ZNF268: variants seen among roughly 807,000 people sequenced by gnomAD.
The protein encoded by ZNF268 is zinc finger protein 268.
A neutral mutation model predicts 29.3 loss-of-function variants in ZNF268; 20 were observed. That is an observed-to-expected ratio of 0.68 (90% CI 0.48 to 0.99). The LOEUF (loss-of-function observed/expected upper bound fraction) is 0.99, where lower values mean the gene tolerates loss of function less well. ZNF268 is among the 50% of genes least tolerant of loss of function. ZNF268 has a pLI of 0.00. For missense variants in ZNF268, 1,240 were observed against 1,121.6 expected, an observed-to-expected ratio of 1.11 and a Z score of -1.51; for synonymous variants, 429 against 376.9, an observed-to-expected ratio of 1.14 and a Z score of -1.60.
intron 2 of ZNF268, among the ~76,000 whole-genome samples, chr12:133,185,237 C>T (rs1956280589): frequency 6.6e-6 from 1 of 151,050 alleles, no homozygotes. Flanking sequence ...CTTGGGTGCT[C>T]AGGGAAGGCC....
rs747761123 is a variant in ZNF268, at chr12:133,204,370, A to G, written c.2684A>G (p.Asn895Ser). The change falls in exon 6 of 6, where the codon AAT becomes AGT. Residue 895 changes from asparagine to serine, a missense_variant. By Grantham distance (46) the Asn-to-Ser change is conservative (BLOSUM62 1). Transcript: ENST00000536435. ...THSGEKPYGC[N>S]ECGKTFSQKS... ...TCAGGAGAGAAACCCTATGGGTGCA[A>G]TGAATGTGGGAAAACCTTCTCTCAA... 3.2e-6 allele frequency: 5 copies of G among 1,571,474 alleles called. No homozygotes were observed. The highest frequency in any genetic ancestry group is 4.6e-5 in the East Asian group (2 of 43,120).
rs1419332941 is a variant in ZNF268, at chr12:133,207,129, T to C, written c.*2599T>C. On this transcript the variant is annotated 3_prime_UTR_variant, in exon 6 of 6. Coordinates refer to ENST00000536435, the MANE Select transcript of ZNF268 (RefSeq NM_003415.3). ...AAACAGAAATTGAGTTACTGGTTTG[T>C]AAATCTATCTAGTCCTTCTACCCCA... 2.0e-5 allele frequency: 3 copies of C among 152,200 alleles called. No homozygotes were observed. The highest frequency in any genetic ancestry group is 4.4e-5 in the Non-Finnish European group (3 of 68,034). The allele number at this position is 152,200 out of a possible 1,614,324, so 9.4% of individuals were successfully genotyped here.
rs751842944 is a variant in ZNF268 at position 133,204,071 on chromosome 12, A to C, written c.2385A>C (p.Leu795=). 1.5e-5 allele frequency: 24 copies of C among 1,555,178 alleles called. No homozygotes were observed. The highest frequency in any genetic ancestry group is 2.1e-5 in the Non-Finnish European group (24 of 1,153,168). ...AAGCTTTTAGCAGCAAGTCATACCT[A>C]ATTATACACATGAGAACTCATTCAG... ...CGKAFSSKSY[L]IIHMRTHSGE... Residue 795 remains leucine (L), a synonymous_variant, in exon 6 of 6, where the codon CTA becomes CTC. Coordinates refer to ENST00000536435, the MANE Select transcript of ZNF268 (RefSeq NM_003415.3).
In ZNF268 at chr12:133,211,310, G is replaced by A. The variant is rs138420695; in HGVS notation, c.*6780G>A. The A allele has an allele frequency of 0.071, 24,111 of 339,884 alleles. 2,080 individuals carry two copies. Among genetic ancestry groups the A allele is most frequent in the African/African-American group, 0.28 (12,947 of 46,340 alleles). 21.1% of individuals were successfully genotyped at this position (339,884 alleles called of 1,614,324 possible). On this transcript the variant is annotated 3_prime_UTR_variant, in exon 6 of 6. Coordinates refer to ENST00000536435, the MANE Select transcript of ZNF268 (RefSeq NM_003415.3). ...AGATATACAGATGGTGGCCAGGCACGGTGGCTCACGCCTGTAATCCCAGCA... is the reference window on the plus strand; with the variant it reads ...AGATATACAGATGGTGGCCAGGCACAGTGGCTCACGCCTGTAATCCCAGCA...
rs1284564747 is a variant in ZNF268, at chr12:133,205,929, G to A, written c.*1399G>A. On this transcript the variant is annotated 3_prime_UTR_variant, in exon 6 of 6. Transcript: ENST00000536435. ...TTTCAAGTTCAGAAAAGCAACATGA[G>A]CTTTTGTTCTGTGGTAGCATGTTGA... The A allele has an allele frequency of 3.3e-5, 5 of 152,196 alleles. No individual in the cohort carries two copies. The highest frequency in any genetic ancestry group is 1.2e-4 in the African/African-American group (5 of 41,454). The allele number at this position is 152,196 out of a possible 1,614,324, so 9.4% of individuals were successfully genotyped here.
intron 3 of ZNF268, 65 bp from the exon 4 acceptor site, chr12:133,191,424 A>T (rs1424958636): frequency 6.2e-7 from 1 of 1,603,100 alleles, no homozygotes; most frequent in African/African-American, 1.3e-5. Flanking sequence ...TGGACACCCT[A>T]AACAGCTAGT....
chr12:133,184,974 A>C (rs1332930948), intron 2 of ZNF268, among the ~76,000 whole-genome samples: 1 of 152,134 alleles, frequency 6.6e-6, no homozygotes, highest in African/African-American at 2.4e-5. Context: ...ATCTGAGGTC[A>C]GGAGTTCGAG....
intron 5 of ZNF268, among the ~76,000 whole-genome samples, chr12:133,194,923 T>G (rs184591896): frequency 1.5e-5 from 1 of 68,180 alleles, no homozygotes; most frequent in Non-Finnish European, 3.3e-5. Context: ...TGTACTACAT[T>G]AATACAAGTC....
At chr12:133,197,928 A>G (rs1231222988) in intron 5 of ZNF268, among the ~76,000 whole-genome samples, 10 of 151,856 alleles carry the variant, frequency 6.6e-5, no homozygotes, top group Non-Finnish European at 1.5e-4. Flanking sequence ...TAGATTCTGG[A>G]TATTAGCCCT....
rs745944145 is a variant in ZNF268 at position 133,203,856 on chromosome 12, CAT to C, written c.2171_2172del (p.His724ArgfsTer10). The C allele has an allele frequency of 9.1e-5, 143 of 1,567,218 alleles. No homozygotes were observed. Among genetic ancestry groups the C allele is most frequent in the East Asian group, 4.7e-5 (2 of 42,696 alleles). On this transcript the variant is annotated frameshift_variant, in exon 6 of 6. Coordinates refer to ENST00000536435, the MANE Select transcript of ZNF268 (RefSeq NM_003415.3). LOFTEE classifies it low-confidence loss of function (END_TRUNC). ...GAGAACTCATACAGGAGAGAAACCA[CAT>C]GAGTGCAGGGAATGCGGGAAATCCT... is the stretch of plus-strand genomic sequence containing the variant. Reference protein sequence around the residue: ...HMRTHTGEKPHECRECGKSFS... With the variant: ...HMRTHTGEKPXECRECGKSFS...
At position 133,181,951 on chromosome 12, in the gene ZNF268, C is replaced by T. The variant is rs373661321; in HGVS notation, c.-47C>T. 1.3e-6 allele frequency: 2 copies of T among 1,552,328 alleles called. No homozygotes were observed. Among genetic ancestry groups the T allele is most frequent in the Admixed American group, 2.0e-5 (1 of 51,136 alleles). On this transcript the variant is annotated 5_prime_UTR_variant, in exon 2 of 6. Transcript: ENST00000536435. ...CACTGTGCTCTCTCTTCTAGCATCC[C>T]TCGCGTCCTGTCACTTCCAGCGAGG...
In ZNF268 at chr12:133,208,552, G is replaced by A. The variant is rs1254060618; in HGVS notation, c.*4022G>A. 1.3e-5 allele frequency: 2 copies of A among 152,274 alleles called. No homozygotes were observed. The highest frequency in any genetic ancestry group is 4.8e-5 in the African/African-American group (2 of 41,446). 9.4% of individuals were successfully genotyped at this position (152,274 alleles called of 1,614,324 possible). Reference sequence around the variant, plus strand: ...TGCCGGTAGTCCCACCTACTGAGGAGGCTGAGGCAGGAGGTTAGCTTGAGT... The same window carrying A: ...TGCCGGTAGTCCCACCTACTGAGGAAGCTGAGGCAGGAGGTTAGCTTGAGT... On this transcript the variant is annotated 3_prime_UTR_variant, in exon 6 of 6. Coordinates refer to ENST00000536435, the MANE Select transcript of ZNF268 (RefSeq NM_003415.3).
At position 133,203,546 on chromosome 12, in the gene ZNF268, C is replaced by G; in HGVS notation, c.1860C>G (p.Ala620=). The change falls in exon 6 of 6, where the codon GCC becomes GCG. Residue 620 remains alanine, a synonymous_variant. Coordinates refer to ENST00000536435, the MANE Select transcript of ZNF268 (RefSeq NM_003415.3). ...TTGAATGTAGTGAGTGTCAGAAAGCCTTTAATACAAAGTCAAACCTGATTG... is the reference window on the plus strand; with the variant it reads ...TTGAATGTAGTGAGTGTCAGAAAGCGTTTAATACAAAGTCAAACCTGATTG... ...KPFECSECQK[A]FNTKSNLIVH... 6.4e-7 allele frequency: 1 copy of G among 1,553,544 alleles called. No homozygotes were observed. Among genetic ancestry groups the G allele is most frequent in the Non-Finnish European group, 8.7e-7 (1 of 1,152,746 alleles).
intron 2 of ZNF268, among the ~76,000 whole-genome samples, chr12:133,186,876 G>A (rs1056966133): frequency 1.3e-5 from 2 of 152,156 alleles, no homozygotes; most frequent in Non-Finnish European, 2.9e-5. Context: ...ATGCGTATAC[G>A]TATACTTGCA....
chr12:133,190,470 T>C (rs907159191), intron 3 of ZNF268, among the ~76,000 whole-genome samples: 1 of 152,126 alleles, frequency 6.6e-6, no homozygotes, highest in Non-Finnish European at 1.5e-5. Context: ...TGGTGGTCAG[T>C]TTTTTGGATT....
At chr12:133,197,428 A>G (rs956539781) in intron 5 of ZNF268, among the ~76,000 whole-genome samples, 5 of 151,674 alleles carry the variant, frequency 3.3e-5, no homozygotes, top group East Asian at 1.9e-4. Flanking sequence ...TTCTTAATCC[A>G]GTCTATCATT....
At chr12:133,192,767 C>T (rs1020144634) in intron 5 of ZNF268, among the ~76,000 whole-genome samples, 3 of 151,896 alleles carry the variant, frequency 2.0e-5, no homozygotes, top group Non-Finnish European at 4.4e-5. Flanking sequence ...CCTCCCGGGT[C>T]TCCTGCTTCA....
At chr12:133,195,556 A>G (rs1956572648) in intron 5 of ZNF268, among the ~76,000 whole-genome samples, 1 of 152,026 alleles carries the variant, frequency 6.6e-6, no homozygotes, top group Non-Finnish European at 1.5e-5. Context: ...AATTTTTAAA[A>G]ATTAGGTGGT....
intron 2 of ZNF268, among the ~76,000 whole-genome samples, chr12:133,186,368 G>A (rs1193861660): frequency 6.6e-6 from 1 of 151,696 alleles, no homozygotes; most frequent in Non-Finnish European, 1.5e-5. Context: ...TAAGCTGTTG[G>A]TCTCCAGGGA....
Sources: allele counts gnomAD v4.1 joint callset (sites outside exome capture counted in the v4.1 genomes callset), GRCh38; gene constraint gnomAD v4.1.1; transcripts MANE v1.5; gene names NCBI Gene and HGNC (gene_info 2026-07-23, HGNC 2026-07-21).